Variants in PTPRG observed in about 807,000 individuals in gnomAD.
The protein encoded by PTPRG is protein tyrosine phosphatase receptor type G.
Under a neutral mutation model 165.3 loss-of-function variants are expected in PTPRG, and 102 were observed. The ratio of observed to expected loss-of-function variants is 0.62; its 90% CI spans 0.53 to 0.73. The LOEUF (loss-of-function observed/expected upper bound fraction) is 0.73. PTPRG is among the 30% of genes least tolerant of loss of function. The probability of loss-of-function intolerance (pLI) is 0.00; values close to 1 mark genes in which losing one functional copy is unlikely to be tolerated. For synonymous variants in PTPRG, 675 were observed against 669.5 expected (o/e 1.01, Z -0.13); for missense variants, 1,866 against 1,861.4 (o/e 1.00, Z -0.05).
At chr3:61,890,412 G>GTTTTTTTTTTTTTTTTTTTTTTTT (rs1388100597) in intron 2 of PTPRG, among the ~76,000 whole-genome samples, 10 of 95,420 alleles carry the variant, frequency 1.0e-4, no homozygotes, top group Admixed American at 2.4e-4. Context: ...CTTGTTCTTT[G>GTTTTTTTTTTTTTTTTTTTTTTTT]TTTTTTTTTT....
chr3:61,931,735 CAAAACA>C (rs951864467), intron 2 of PTPRG, among the ~76,000 whole-genome samples: 21 of 152,124 alleles, frequency 1.4e-4, no homozygotes, highest in African/African-American at 2.7e-4. Context: ...CCATTCCCCT[CAAAACA>C]AAAACAAAAA....
chr3:62,143,990 G>C, intron 6 of PTPRG, among the ~76,000 whole-genome samples: 1 of 152,140 alleles, frequency 6.6e-6, no homozygotes, highest in East Asian at 1.9e-4. Context: ...CTCTAAATCA[G>C]TGGTCAGCAA....
intron 2 of PTPRG, among the ~76,000 whole-genome samples, chr3:61,908,151 C>T (rs926433592): frequency 1.5e-4 from 17 of 113,600 alleles, no homozygotes; most frequent in African/African-American, 5.0e-4. Flanking sequence ...AAAAAAAAAT[C>T]GGCCGGGCTC....
At chr3:61,716,138 T>G (rs545477426) in intron 1 of PTPRG, among the ~76,000 whole-genome samples, 2 of 152,324 alleles carry the variant, frequency 1.3e-5, no homozygotes, top group South Asian at 4.1e-4. Flanking sequence ...TATAACTCTT[T>G]AGGGAATGGT....
chr3:62,276,781 G>T, intron 24 of PTPRG, 191 bp from the exon 25 acceptor site: 2 of 562,584 alleles, frequency 3.6e-6, no homozygotes, highest in Admixed American at 3.4e-5. Flanking sequence ...GTCCTTCTGG[G>T]TATGTGCAGC....
intron 3 of PTPRG, 109 bp from the exon 4 acceptor site, chr3:62,003,240 G>A (rs997169548): frequency 7.9e-7 from 1 of 1,269,362 alleles, no homozygotes; most frequent in Admixed American, 2.2e-5. Context: ...GGTACATGAG[G>A]ACATAATTCA....
chr3:61,613,757 G>C (rs1291131496), intron 1 of PTPRG, among the ~76,000 whole-genome samples: 1 of 152,132 alleles, frequency 6.6e-6, no homozygotes, highest in Non-Finnish European at 1.5e-5. Context: ...AATAGAAGAG[G>C]GTAGAGGTGG....
At chr3:62,041,094 A>G (rs572163913) in intron 4 of PTPRG, among the ~76,000 whole-genome samples, 7 of 152,292 alleles carry the variant, frequency 4.6e-5, no homozygotes, top group Non-Finnish European at 1.0e-4. Flanking sequence ...GTAATACCTG[A>G]TGCTTGTGGT....
At chr3:61,598,804 C>G (rs1207007301) in intron 1 of PTPRG, among the ~76,000 whole-genome samples, 1 of 152,066 alleles carries the variant, frequency 6.6e-6, no homozygotes, top group South Asian at 2.1e-4. Flanking sequence ...TCCGTGCCCT[C>G]CCCTAGCTTC....
At chr3:62,101,478 A>G (rs2106827511) in intron 5 of PTPRG, among the ~76,000 whole-genome samples, 1 of 152,338 alleles carries the variant, frequency 6.6e-6, no homozygotes, top group African/African-American at 2.4e-5. Flanking sequence ...CAGTTTTGAT[A>G]TGTTTAATTA....
At chr3:62,139,091 C>T (rs191407427) in intron 6 of PTPRG, among the ~76,000 whole-genome samples, 56 of 152,300 alleles carry the variant, frequency 3.7e-4, no homozygotes, top group African/African-American at 1.3e-3. Context: ...TCACTTTCCT[C>T]TCCTGGAGAA....
chr3:61,770,644 A>C (rs1374829701), intron 2 of PTPRG: 1 of 152,206 alleles, frequency 6.6e-6, no homozygotes, highest in Non-Finnish European at 1.5e-5. Flanking sequence ...AAGTAGCTTC[A>C]TAAATAATTT....
At chr3:62,186,566 C>CGTTTTTTTTTTTT (rs1559620068) in intron 8 of PTPRG, among the ~76,000 whole-genome samples, 27 of 99,606 alleles carry the variant, frequency 2.7e-4, no homozygotes, top group African/African-American at 1.1e-3. Context: ...TTTTTCTTTT[C>CGTTTTTTTTTTTT]CTTTTTTTTT....
intron 1 of PTPRG, among the ~76,000 whole-genome samples, chr3:61,680,854 G>A (rs1221940363): frequency 8.2e-6 from 1 of 121,300 alleles, no homozygotes; most frequent in Non-Finnish European, 1.9e-5. Flanking sequence ...CTTGCTGGGT[G>A]TTGGGAACCT....
At chr3:61,615,699 G>A (rs370590146) in intron 1 of PTPRG, among the ~76,000 whole-genome samples, 7 of 152,088 alleles carry the variant, frequency 4.6e-5, no homozygotes, top group African/African-American at 1.7e-4. Context: ...ATTTTATTTG[G>A]GTTATAGTCT....
chr3:61,616,587 C>G (rs1701303731), intron 1 of PTPRG, among the ~76,000 whole-genome samples: 1 of 152,146 alleles, frequency 6.6e-6, no homozygotes, highest in African/African-American at 2.4e-5. Context: ...CCACGCCAAG[C>G]CCTTCTCCCT....
Position 62,273,592 on chromosome 3 carries a change from A to C in PTPRG, c.3319-106A>C. 8.9e-7 allele frequency: 1 copy of C among 1,120,892 alleles called. No individual in the cohort carries two copies. 69.4% of individuals were successfully genotyped at this position (1,120,892 alleles called of 1,614,324 possible). A position where few individuals can be genotyped will look rare whatever the true frequency, so the allele number is the denominator to read the frequency against. On this transcript the variant is annotated intron_variant, in intron 22 of 29. Transcript: ENST00000474889. The surrounding 1 kb of genome is among the most constrained non-coding windows in gnomAD (Gnocchi z 4.1). ...TAGCTGTAAGTGCTTGAAGGAAATC[A>C]CTGGGAGGTCCCTGTTAGCAGCAGA...
chr3:61,959,650 G>A (rs1378236906), intron 2 of PTPRG, among the ~76,000 whole-genome samples: 1 of 152,190 alleles, frequency 6.6e-6, no homozygotes, highest in Non-Finnish European at 1.5e-5. Context: ...CAACTGTGCC[G>A]CTCAAAGGTG....
In PTPRG at chr3:61,708,443, C is replaced by CTTTTTTTT. The variant is rs61136954; in HGVS notation, c.86-40414_86-40407dup. On this transcript the variant is annotated intron_variant, in intron 1 of 29. Transcript: ENST00000474889. Reference sequence around the variant, plus strand: ...CTAATGAACTGGGCTCTCTGCAAATCTTTTTTTTTTTTTTTTTTTTTTTTT... The same window carrying CTTTTTTTT: ...CTAATGAACTGGGCTCTCTGCAAATCTTTTTTTTTTTTTTTTTTTTTTTTTTTTTTTTT... Among the ~76,000 whole-genome samples the CTTTTTTTT allele has an allele frequency of 1.4e-4, 11 of 75,914 alleles. 1 individual carries two copies. Among genetic ancestry groups the CTTTTTTTT allele is most frequent in the Non-Finnish European group, 2.1e-4 (9 of 41,986 alleles). The allele number at this position is 75,914 out of a possible 152,430, so 49.8% of individuals were successfully genotyped here. A position where few individuals can be genotyped will look rare whatever the true frequency, so the allele number is the denominator to read the frequency against.
Sources: allele counts gnomAD v4.1 joint callset (sites outside exome capture counted in the v4.1 genomes callset), GRCh38; gene constraint gnomAD v4.1.1; non-coding constraint Gnocchi (gnomAD v3.1); transcripts MANE v1.5; gene names NCBI Gene and HGNC (gene_info 2026-07-23, HGNC 2026-07-21).